The following TEX11 variants were observed in gnomAD, a reference collection of about 807,000 sequenced individuals.
TEX11 encodes the protein testis expressed 11, also known as testis-expressed protein 11.
Under a neutral mutation model 84.4 loss-of-function variants are expected in TEX11, and 7 were observed. That is an observed-to-expected ratio of 0.08 (90% CI 0.05 to 0.16). The LOEUF is 0.16. Among genes scored for constraint, TEX11 ranks in the 10% least tolerant of loss-of-function variants. The probability of loss-of-function intolerance (pLI) is 1.00; values close to 1 mark genes in which losing one functional copy is unlikely to be tolerated. For synonymous variants in TEX11, 264 were observed against 222.8 expected, an observed-to-expected ratio of 1.18 and a Z score of -1.64; for missense variants, 551 against 660.5, an observed-to-expected ratio of 0.83 and a Z score of 1.82.
chrX:70,706,299 G>A (rs2090374999), intron 13 of TEX11, among the ~76,000 whole-genome samples: 1 of 105,379 alleles, frequency 9.5e-6, no homozygotes. Context: ...CACACACTGG[G>A]GCCTGTTGTG....
intron 2 of TEX11, among the ~76,000 whole-genome samples, chrX:70,901,502 G>C (rs1303557377): frequency 1.8e-5 from 2 of 111,710 alleles, no homozygotes; most frequent in Admixed American, 1.9e-4. Flanking sequence ...CACGGATGGT[G>C]GGGGGATGGT....
At chrX:70,566,121 T>A (rs1308017211) in intron 25 of TEX11, among the ~76,000 whole-genome samples, 1 of 107,493 alleles carries the variant, frequency 9.3e-6, no homozygotes, top group Non-Finnish European at 1.9e-5. Context: ...GTCCTTCACA[T>A]CCCTTGTAAG....
At chrX:70,736,990 C>A (rs986629800) in intron 11 of TEX11, among the ~76,000 whole-genome samples, 3 of 110,885 alleles carry the variant, frequency 2.7e-5, no homozygotes. Context: ...TAGTTGGCAC[C>A]CAGTGAAAGA....
chrX:70,894,610 G>A (rs2091757415), intron 2 of TEX11, among the ~76,000 whole-genome samples: 1 of 107,032 alleles, frequency 9.3e-6, no homozygotes, highest in Non-Finnish European at 1.9e-5. Context: ...TGGCGACAGA[G>A]CGAGACTCCG....
chrX:70,748,490 C>T (rs1404881923), intron 9 of TEX11, among the ~76,000 whole-genome samples: 2 of 111,559 alleles, frequency 1.8e-5, no homozygotes, highest in African/African-American at 3.3e-5. Flanking sequence ...ACATGAAGTC[C>T]TTGCCCATGC....
rs181433643 is a variant in TEX11 at position 70,817,009 on chromosome X, T to C, written c.607-10219A>G. 4.9e-4 allele frequency among the ~76,000 whole-genome samples: 54 copies of C among 110,568 alleles called. No homozygotes were observed. The East Asian group carries it at 0.014, about 28-fold the overall frequency. ...TTAAGGATAATTGAAGCCAAGTTTT[T>C]TGTTGTTGGAGAAGAGAATTAGAAA... is the stretch of plus-strand genomic sequence containing the variant. On this transcript the variant is annotated intron_variant, in intron 8 of 29. Coordinates refer to ENST00000374333, the MANE Select transcript of TEX11 (RefSeq NM_031276.3).
chrX:70,607,541 A>C (rs2089208918), intron 22 of TEX11, among the ~76,000 whole-genome samples: 1 of 110,695 alleles, frequency 9.0e-6, no homozygotes, highest in African/African-American at 3.3e-5. Flanking sequence ...CTATGATGCC[A>C]CCACTGCACT....
At chrX:70,529,685 A>T (rs2087858899) in intron 29 of TEX11, 150 bp downstream of exon 29, 2 of 570,440 alleles carry the variant, frequency 3.5e-6, no homozygotes, top group South Asian at 4.5e-5. Flanking sequence ...TGGTCTCCTG[A>T]TTCTTGAAGT....
At chrX:70,706,713 G>A (rs2090380595) in intron 13 of TEX11, among the ~76,000 whole-genome samples, 1 of 111,026 alleles carries the variant, frequency 9.0e-6, no homozygotes, top group African/African-American at 3.3e-5. Context: ...CATCTTCAAT[G>A]CCTAGCAACA....
At chrX:70,718,403 A>G (rs1267623798) in intron 13 of TEX11, among the ~76,000 whole-genome samples, 1 of 112,300 alleles carries the variant, frequency 8.9e-6, no homozygotes, top group African/African-American at 3.2e-5. Flanking sequence ...ACAGAAAAGT[A>G]AGCCGGATTA....
chrX:70,824,484 C>G (rs983500828), intron 8 of TEX11, among the ~76,000 whole-genome samples: 2 of 111,563 alleles, frequency 1.8e-5, no homozygotes, highest in Non-Finnish European at 3.8e-5. Context: ...AGAGGAAAAC[C>G]TTACTGTCCA....
the TEX11 span, among the ~76,000 whole-genome samples, chrX:70,513,327 T>C: frequency 3.0e-5 from 3 of 100,746 alleles, no homozygotes; most frequent in Non-Finnish European, 3.9e-5. Flanking sequence ...CACTCCAGCC[T>C]GGGCAACAAG....
chrX:70,834,416 T>C (rs2091393825), intron 7 of TEX11, among the ~76,000 whole-genome samples: 1 of 110,729 alleles, frequency 9.0e-6, no homozygotes, highest in African/African-American at 3.3e-5. Context: ...TAAACATCAA[T>C]CACACATACT....
chrX:70,571,595 T>G (rs1406994758), intron 25 of TEX11, among the ~76,000 whole-genome samples: 1 of 112,226 alleles, frequency 8.9e-6, no homozygotes, highest in Admixed American at 9.5e-5. Context: ...TTTCTTTGAC[T>G]GATGGGTTAT....
chrX:70,524,340 G>C (rs1486751433), downstream of TEX11, among the ~76,000 whole-genome samples: 1 of 112,121 alleles, frequency 8.9e-6, no homozygotes, highest in Non-Finnish European at 1.9e-5. Flanking sequence ...TAACCCAGAA[G>C]TAAGACTGCA....
rs772455895 is a variant in TEX11, at chrX:70,711,710, T to G, written c.1004+10908A>C. ...ATTAGCCCTTTGTCAGATGAGTAGA[T>G]TGCAAAAATTTTCTCCCATTTTGTA... On this transcript the variant is annotated intron_variant, in intron 13 of 29. Transcript: ENST00000374333. 9.8e-5 allele frequency among the ~76,000 whole-genome samples: 11 copies of G among 111,691 alleles called. No homozygotes were observed. The South Asian group carries it at 4.2e-3, about 42-fold the overall frequency.
intron 25 of TEX11, among the ~76,000 whole-genome samples, chrX:70,565,011 A>G (rs2088440313): frequency 9.4e-6 from 1 of 106,730 alleles, no homozygotes; most frequent in Non-Finnish European, 1.9e-5. Context: ...ACTAGTTTAC[A>G]GTCCCACCAA....
intron 25 of TEX11, among the ~76,000 whole-genome samples, chrX:70,555,864 T>C (rs1414331033): frequency 1.8e-5 from 2 of 112,172 alleles, no homozygotes. Context: ...GCTTTGGTAG[T>C]TTGTGACTTT....
Position 70,553,417 on chromosome X carries a change from A to AAAT in TEX11, c.2291-4_2291-3insATT. The AAAT allele has an allele frequency of 8.6e-7, 1 of 1,165,645 alleles. No individual in the cohort carries two copies. The highest frequency in any genetic ancestry group is 1.2e-6 in the Non-Finnish European group (1 of 863,226). The stretch of plus-strand genomic sequence containing the variant: ...TGCAGGCTTTTCCATTGCTATTACT[A>AAAT]GAGTAAGAAAAGGAAAAAGGTTGTG... On this transcript the variant is annotated splice_region_variant and splice_polypyrimidine_tract_variant and intron_variant, in intron 26 of 29. Coordinates refer to ENST00000374333, the MANE Select transcript of TEX11 (RefSeq NM_031276.3).
Sources: allele counts gnomAD v4.1 joint callset (sites outside exome capture counted in the v4.1 genomes callset), GRCh38; gene constraint gnomAD v4.1.1; transcripts MANE v1.5; gene names NCBI Gene and HGNC (gene_info 2026-07-23, HGNC 2026-07-21).